MYT1: variants seen among roughly 807,000 people sequenced by gnomAD.
MYT1 encodes myelin transcription factor I.
A neutral mutation model predicts 123.0 loss-of-function variants in MYT1; 23 were observed. That is an observed-to-expected ratio of 0.19 (90% CI 0.13 to 0.26). MYT1 has a LOEUF of 0.26. Among genes scored for constraint, MYT1 ranks in the 10% least tolerant of loss-of-function variants. The pLI, the probability that MYT1 is intolerant of heterozygous loss-of-function variation, is 1.00. For synonymous variants in MYT1, 518 were observed against 575.3 expected (o/e 0.90, Z 1.43); for missense variants, 1,125 against 1,472.5 (o/e 0.76, Z 3.86).
chr20:64,198,734 A>G lies in MYT1; in HGVS notation c.1-128A>G, dbSNP rs974502998. 8.2e-6 allele frequency: 8 copies of G among 975,364 alleles called. No individual in the cohort carries two copies. In the African/African-American group the frequency reaches 1.1e-4, roughly 14 times the overall value. 60.4% of individuals were successfully genotyped at this position (975,364 alleles called of 1,614,324 possible). On this transcript the variant is annotated intron_variant, in intron 2 of 22. Transcript: ENST00000328439. ...CTTGTCCTGTGAGCCCATCCTTGTC[A>G]TTCTGTGCCCAAAATCACCTTTGCT...
Position 64,207,677 on chromosome 20 carries a change from C to A in MYT1, c.481C>A (p.Gln161Lys). The A allele has an allele frequency of 6.2e-7, 1 of 1,614,076 alleles. No individual in the cohort carries two copies. The highest frequency in any genetic ancestry group is 2.2e-5 in the East Asian group (1 of 44,866). ...ASSKGSYSSY[Q>K]GIIATSLLNL... is the part of the protein sequence containing the mutation. ...CTCCAAGGGCAGCTACAGCAGCTAC[C>A]AGGGAATCATCGCAACTTCTCTCCT... The change falls in exon 7 of 23, where the codon CAG becomes AAG. Residue 161 changes from glutamine (Q) to lysine (K), a missense_variant. By Grantham distance (53) the Gln-to-Lys change is moderately conservative. Coordinates refer to ENST00000328439, the MANE Select transcript of MYT1 (RefSeq NM_004535.3).
In MYT1 at chr20:64,196,487, C is replaced by T. The variant is rs748024562; in HGVS notation, c.1-2375C>T. Reference sequence around the variant, plus strand: ...TTTGTCCAGATGCTTTCGCGTCAGCCGGCACTGCTGATTTCAAATAGCTCA... The same window carrying T: ...TTTGTCCAGATGCTTTCGCGTCAGCTGGCACTGCTGATTTCAAATAGCTCA... On this transcript the variant is annotated intron_variant, in intron 2 of 22. Transcript: ENST00000328439. The surrounding 1 kb of genome is among the most constrained non-coding windows in gnomAD (Gnocchi z 4.3). Among the ~76,000 whole-genome samples the T allele has an allele frequency of 2.6e-5, 4 of 152,232 alleles. No homozygotes were observed. Among genetic ancestry groups the T allele is most frequent in the Non-Finnish European group, 4.4e-5 (3 of 68,042 alleles).
chr20:64,198,409 G>T (rs912589016), intron 2 of MYT1, among the ~76,000 whole-genome samples: 11 of 152,028 alleles, frequency 7.2e-5, no homozygotes, highest in African/African-American at 2.7e-4. Flanking sequence ...CACTGCCGCT[G>T]GTGGCTGAGT....
intron 1 of MYT1, among the ~76,000 whole-genome samples, chr20:64,184,925 C>T (rs926224484): frequency 3.9e-5 from 6 of 152,146 alleles, no homozygotes; most frequent in Admixed American, 1.3e-4. Flanking sequence ...AGGTCAGGGG[C>T]GAGTGTTTGC....
intron 10 of MYT1, among the ~76,000 whole-genome samples, chr20:64,215,312 C>T (rs1340197736): frequency 1.3e-5 from 2 of 152,194 alleles, no homozygotes; most frequent in Non-Finnish European, 2.9e-5. Context: ...GGACAACAAA[C>T]TAAGTCGCTC....
At chr20:64,222,997 G>A (rs968169955) in intron 14 of MYT1, 114 bp from the exon 15 acceptor site, 12 of 1,184,700 alleles carry the variant, frequency 1.0e-5, no homozygotes, top group Non-Finnish European at 1.4e-5. Flanking sequence ...AGGGGCCACC[G>A]CTTGGCTCGC....
rs1404436452 is a variant in MYT1, at chr20:64,168,024, G to A, written c.-99+3285G>A. 6.6e-6 allele frequency among the ~76,000 whole-genome samples: 1 copy of A among 152,202 alleles called. No homozygotes were observed. The highest frequency in any genetic ancestry group is 1.5e-5 in the Non-Finnish European group (1 of 68,034). ...CCCGCTCCAGGACAGCCCCACTGGG[G>A]AGCCCACTGCCCAGCCCGGAGTGTC... On this transcript the variant is annotated intron_variant, in intron 1 of 22. Coordinates refer to ENST00000328439, the MANE Select transcript of MYT1 (RefSeq NM_004535.3). This position sits in a 1 kb window ranked among gnomAD's most constrained non-coding sequence, Gnocchi z 6.1.
intron 8 of MYT1, 107 bp downstream of exon 8, chr20:64,211,447 TC>T: frequency 8.3e-7 from 1 of 1,204,524 alleles, no homozygotes; most frequent in East Asian, 2.5e-5. Flanking sequence ...GCCATAACCT[TC>T]CCCTTTGGTT....
At chr20:64,188,993 T>C (rs1982891993) in intron 1 of MYT1, among the ~76,000 whole-genome samples, 2 of 152,234 alleles carry the variant, frequency 1.3e-5, no homozygotes, top group Admixed American at 1.3e-4. Context: ...TGCTTTCCTC[T>C]GTGTTTATGC....
In MYT1 at chr20:64,202,001, G is replaced by A. The variant is rs1418571863; in HGVS notation, c.86+2079G>A. Reference sequence around the variant, plus strand: ...GAACCCCCGCGTGTCGGGAACCCCCGCGTGTCGGGAACCCCTCGCGTGTCG... The same window carrying A: ...GAACCCCCGCGTGTCGGGAACCCCCACGTGTCGGGAACCCCTCGCGTGTCG... On this transcript the variant is annotated intron_variant, in intron 4 of 22. Coordinates refer to ENST00000328439, the MANE Select transcript of MYT1 (RefSeq NM_004535.3). This position sits in a 1 kb window ranked among gnomAD's most constrained non-coding sequence, Gnocchi z 5.0. 4.0e-5 allele frequency among the ~76,000 whole-genome samples: 5 copies of A among 124,694 alleles called. No individual in the cohort carries two copies. The highest frequency in any genetic ancestry group is 2.2e-4 in the East Asian group (1 of 4,458). The allele number at this position is 124,694 out of a possible 152,430, so 81.8% of individuals were successfully genotyped here.
At position 64,212,854 on chromosome 20, in the gene MYT1, G is replaced by A. The variant is rs1029595893; in HGVS notation, c.1518-680G>A. Among the ~76,000 whole-genome samples the A allele has an allele frequency of 1.3e-4, 20 of 152,146 alleles. No homozygotes were observed. The highest frequency in any genetic ancestry group is 4.6e-4 in the African/African-American group (19 of 41,430). On this transcript the variant is annotated intron_variant, in intron 9 of 22. Transcript: ENST00000328439. This position sits in a 1 kb window ranked among gnomAD's most constrained non-coding sequence, Gnocchi z 6.8. ...GCCATGGGTGGCCGTGGCCTCGGTG[G>A]GATATGCTTTCCCCCAGCAGGCTTA...
At chr20:64,200,703 G>T (rs1983270124) in intron 4 of MYT1, among the ~76,000 whole-genome samples, 1 of 152,192 alleles carries the variant, frequency 6.6e-6, no homozygotes, top group Non-Finnish European at 1.5e-5. Context: ...ACTGCCTGGT[G>T]ATGTTATTAT....
At chr20:64,219,263 C>T (rs1216338591) in intron 12 of MYT1, among the ~76,000 whole-genome samples, 4 of 152,218 alleles carry the variant, frequency 2.6e-5, no homozygotes, top group African/African-American at 4.8e-5. Flanking sequence ...CCAAGGGCTG[C>T]GAACACAAGT....
intron 19 of MYT1, among the ~76,000 whole-genome samples, chr20:64,235,761 T>C (rs868461579): frequency 0.024 from 1,521 of 63,310 alleles, 32 homozygotes; most frequent in Middle Eastern, 0.029. Flanking sequence ...CTTGGATGGC[T>C]GTGGTGGGTG....
chr20:64,240,191 T>C, intron 22 of MYT1, 129 bp from the exon 23 acceptor site: 1 of 1,332,512 alleles, frequency 7.5e-7, no homozygotes, highest in African/African-American at 1.5e-5. Context: ...GAACGCCCAG[T>C]GCTGCCTCTG....
In MYT1 at chr20:64,202,872, G is replaced by T. The variant is rs1382757778; in HGVS notation, c.87-2163G>T. 6.6e-6 allele frequency among the ~76,000 whole-genome samples: 1 copy of T among 152,162 alleles called. No homozygotes were observed. On this transcript the variant is annotated intron_variant, in intron 4 of 22. Coordinates refer to ENST00000328439, the MANE Select transcript of MYT1 (RefSeq NM_004535.3). This position sits in a 1 kb window ranked among gnomAD's most constrained non-coding sequence, Gnocchi z 5.0. ...GGGAATTCCCTCCTCCCGGAGAAAA[G>T]AGGCTCGGGAGTCCTGGAGCCCTGG...
intron 1 of MYT1, among the ~76,000 whole-genome samples, chr20:64,188,854 G>T (rs1412652566): frequency 2.0e-5 from 3 of 152,212 alleles, no homozygotes; most frequent in Non-Finnish European, 4.4e-5. Flanking sequence ...CTCAGCGACG[G>T]CCTGCGGGTG....
intron 2 of MYT1, among the ~76,000 whole-genome samples, chr20:64,197,463 G>A (rs1983156845): frequency 6.6e-6 from 1 of 152,282 alleles, no homozygotes; most frequent in East Asian, 1.9e-4. Context: ...CCACTCCCCT[G>A]CTTTCCCTTT....
chr20:64,206,140 C>T lies in MYT1; in HGVS notation c.397+340C>T, dbSNP rs111963146. Reference sequence around the variant, plus strand: ...CAGACAAGGCTGTGTCTCTGTGTGTCTGTAAGTGGGGAAGGGAGGATCTTA... The same window carrying T: ...CAGACAAGGCTGTGTCTCTGTGTGTTTGTAAGTGGGGAAGGGAGGATCTTA... On this transcript the variant is annotated intron_variant, in intron 6 of 22. Transcript: ENST00000328439. Among the ~76,000 whole-genome samples the T allele has an allele frequency of 3.6e-3, 552 of 152,164 alleles. 4 individuals carry two copies. Among genetic ancestry groups the T allele is most frequent in the Non-Finnish European group, 5.5e-3 (373 of 67,984 alleles).
Sources: allele counts gnomAD v4.1 joint callset (sites outside exome capture counted in the v4.1 genomes callset), GRCh38; gene constraint gnomAD v4.1.1; non-coding constraint Gnocchi (gnomAD v3.1); transcripts MANE v1.5; gene names NCBI Gene and HGNC (gene_info 2026-07-23, HGNC 2026-07-21).